The following SPMIP4 variants were observed in gnomAD, a reference collection of about 807,000 sequenced individuals.
SPMIP4 encodes sperm-associated microtubule inner protein 4.
chr7:25,134,174 C>G, the SPMIP4 span, among the ~76,000 whole-genome samples: 1 of 151,848 alleles, frequency 6.6e-6, no homozygotes, highest in African/African-American at 2.4e-5. Flanking sequence ...GCAGGAGAAT[C>G]GCTTGAACCC....
the SPMIP4 span, among the ~76,000 whole-genome samples, chr7:25,128,566 A>G: frequency 6.6e-6 from 1 of 152,160 alleles, no homozygotes. The surrounding 1 kb of genome is among the most constrained non-coding windows in gnomAD (Gnocchi z 4.5). Flanking sequence ...GATAAATGCT[A>G]TTAGTCCCGA....
chr7:25,125,970 C>T, the SPMIP4 span: 2 of 985,274 alleles, frequency 2.0e-6, no homozygotes, highest in South Asian at 9.4e-5. Context: ...AGGATTATCC[C>T]TCTGGAACTG....
chr7:25,155,279 C>T, the SPMIP4 span: 4 of 1,249,790 alleles, frequency 3.2e-6, no homozygotes, highest in Non-Finnish European at 4.4e-6. Flanking sequence ...TTTATTGGGA[C>T]CCTTTTTTAA....
chr7:25,128,564 C>CTAT, the SPMIP4 span, among the ~76,000 whole-genome samples: 521 of 152,270 alleles, frequency 3.4e-3, 14 homozygotes, highest in Admixed American at 0.033. This position sits in a 1 kb window ranked among gnomAD's most constrained non-coding sequence, Gnocchi z 4.5. Flanking sequence ...GTGATAAATG[C>CTAT]TATTAGTCCC....
the SPMIP4 span, among the ~76,000 whole-genome samples, chr7:25,130,313 T>C: frequency 2.3e-5 from 2 of 86,282 alleles, no homozygotes; most frequent in African/African-American, 1.7e-4. Context: ...TTATCACTTC[T>C]TTTTTTTTTT....
chr7:25,159,320 C>G, the SPMIP4 span, among the ~76,000 whole-genome samples: 1 of 152,320 alleles, frequency 6.6e-6, no homozygotes, highest in African/African-American at 2.4e-5. Context: ...TAGAACAAAA[C>G]TGACCAAGTT....
the SPMIP4 span, among the ~76,000 whole-genome samples, chr7:25,157,017 G>T: frequency 1.3e-5 from 2 of 151,808 alleles, no homozygotes; most frequent in African/African-American, 2.4e-5. Context: ...AGATGAGCCT[G>T]GATTATTGCA....
At chr7:25,151,252 C>A in the SPMIP4 span, among the ~76,000 whole-genome samples, 1 of 142,776 alleles carries the variant, frequency 7.0e-6, no homozygotes, top group Non-Finnish European at 1.5e-5. Context: ...AAACAGAGTT[C>A]ACTCTGTTGC....
chr7:25,135,535 A>C, the SPMIP4 span: 1 of 978,200 alleles, frequency 1.0e-6, no homozygotes, highest in African/African-American at 1.8e-5. Context: ...ACAAAAATTT[A>C]CATAAAGGGA....
At chr7:25,132,084 G>T in the SPMIP4 span, among the ~76,000 whole-genome samples, 2 of 152,208 alleles carry the variant, frequency 1.3e-5, no homozygotes, top group African/African-American at 4.8e-5. This position sits in a 1 kb window ranked among gnomAD's most constrained non-coding sequence, Gnocchi z 5.0. Context: ...CATACACAGG[G>T]AGGGGACCCA....
the SPMIP4 span, among the ~76,000 whole-genome samples, chr7:25,169,088 G>A: frequency 6.6e-6 from 1 of 150,732 alleles, no homozygotes; most frequent in Non-Finnish European, 1.5e-5. Flanking sequence ...ACAATTCATC[G>A]ATTTAAAGTG....
At chr7:25,158,601 A>C in the SPMIP4 span, 1 of 1,264,222 alleles carries the variant, frequency 7.9e-7, no homozygotes, top group South Asian at 1.2e-5. Context: ...CCTATTAGAA[A>C]CTTGATTAAT....
At chr7:25,171,753 T>C in the SPMIP4 span, among the ~76,000 whole-genome samples, 1 of 152,156 alleles carries the variant, frequency 6.6e-6, no homozygotes, top group Non-Finnish European at 1.5e-5. Context: ...GTGAGGGATA[T>C]GGAAATCAGC....
the SPMIP4 span, among the ~76,000 whole-genome samples, chr7:25,163,285 G>A: frequency 5.9e-5 from 9 of 152,154 alleles, no homozygotes; most frequent in African/African-American, 2.2e-4. The surrounding 1 kb of genome is among the most constrained non-coding windows in gnomAD (Gnocchi z 4.4). Flanking sequence ...TGGATACATA[G>A]TATTAGGCAA....
chr7:25,151,126 C>T, the SPMIP4 span, among the ~76,000 whole-genome samples: 29 of 152,106 alleles, frequency 1.9e-4, no homozygotes, highest in South Asian at 6.0e-3. Flanking sequence ...CCATAACTAC[C>T]AACAGCACAT....
the SPMIP4 span, chr7:25,135,629 A>C: frequency 2.3e-6 from 2 of 862,496 alleles, no homozygotes; most frequent in Non-Finnish European, 2.8e-6. Context: ...CCAGCTTTTC[A>C]ATTTTTTTTG....
the SPMIP4 span, among the ~76,000 whole-genome samples, chr7:25,134,396 AATT>A: frequency 1.3e-5 from 2 of 152,042 alleles, no homozygotes; most frequent in Non-Finnish European, 2.9e-5. Context: ...AAAACAAAAA[AATT>A]GAGCTTTTTG....
the SPMIP4 span, among the ~76,000 whole-genome samples, chr7:25,165,476 G>A: frequency 8.9e-4 from 135 of 151,830 alleles, no homozygotes; most frequent in African/African-American, 3.0e-3. Context: ...TTTTTTAGAC[G>A]GAGTCTCACT....
chr7:25,179,503 A>C, the SPMIP4 span: 46 of 450,586 alleles, frequency 1.0e-4, no homozygotes, highest in East Asian at 1.6e-3. Context: ...TTCTATGGAA[A>C]TAAATTTCAA....
Sources: allele counts gnomAD v4.1 joint callset (sites outside exome capture counted in the v4.1 genomes callset), GRCh38; gene constraint gnomAD v4.1.1; non-coding constraint Gnocchi (gnomAD v3.1); transcripts MANE v1.5; gene names NCBI Gene and HGNC (gene_info 2026-07-23, HGNC 2026-07-21).